The following NGF variants were observed in gnomAD, a reference collection of about 807,000 sequenced individuals.
The protein encoded by NGF is beta-nerve growth factor.
NGF carries 4 observed loss-of-function variants against 12.8 expected under a neutral mutation model. The observed-to-expected ratio is 0.31, with a 90% CI of 0.15 to 0.72. The LOEUF (loss-of-function observed/expected upper bound fraction) is 0.72, where lower values mean the gene tolerates loss of function less well. Among genes scored for constraint, NGF ranks in the 30% least tolerant of loss-of-function variants. The pLI is 0.69. For synonymous variants in NGF, 140 were observed against 130.0 expected (o/e 1.08, Z -0.52); for missense variants, 283 against 330.8 (o/e 0.86, Z 1.12).
intron 1 of NGF, among the ~76,000 whole-genome samples, chr1:115,325,276 T>C (rs1228311489): frequency 2.0e-5 from 3 of 152,136 alleles, no homozygotes; most frequent in African/African-American, 7.2e-5. Flanking sequence ...GGAGGAGCGA[T>C]TAAGATGCTG....
In NGF at chr1:115,286,621, T is replaced by A. The variant is rs1653515905; in HGVS notation, c.175A>T (p.Ile59Leu). The A allele has an allele frequency of 6.2e-7, 1 of 1,614,088 alleles. No homozygotes were observed. Among genetic ancestry groups the A allele is most frequent in the Non-Finnish European group, 8.5e-7 (1 of 1,180,042 alleles). ...GTCTGCCCCGCCACGCGTGCAGCTA[T>A]CGCCGCTGCCGGGGCGCTGCGGGCT... is the stretch of plus-strand genomic sequence containing the variant. ...RRARSAPAAA[I>L]AARVAGQTRN... Residue 59 changes from isoleucine (I) to leucine (L), a missense_variant, in exon 3 of 3, where the codon ATA (isoleucine) becomes TTA (leucine). Coordinates refer to ENST00000369512, the MANE Select transcript of NGF (RefSeq NM_002506.3).
chr1:115,336,108 T>TG (rs1655103012), intron 1 of NGF, among the ~76,000 whole-genome samples: 1 of 151,958 alleles, frequency 6.6e-6, no homozygotes, highest in African/African-American at 2.4e-5. Flanking sequence ...AGGAGAGTTG[T>TG]GGGGTGGGCA....
chr1:115,330,659 GT>G (rs1029402954), intron 1 of NGF, among the ~76,000 whole-genome samples: 12 of 152,172 alleles, frequency 7.9e-5, no homozygotes, highest in Admixed American at 4.6e-4. Flanking sequence ...TCACATTTAG[GT>G]CATGGAAAGT....
At chr1:115,301,311 G>A (rs1360349678) in intron 1 of NGF, among the ~76,000 whole-genome samples, 1 of 152,062 alleles carries the variant, frequency 6.6e-6, no homozygotes, top group African/African-American at 2.4e-5. Context: ...TCAATCTTTA[G>A]CAAGAGACTT....
intron 1 of NGF, among the ~76,000 whole-genome samples, chr1:115,313,924 A>G (rs568219708): frequency 3.3e-5 from 5 of 152,168 alleles, no homozygotes; most frequent in Non-Finnish European, 7.4e-5. Flanking sequence ...TAACCCTGAA[A>G]TTGGTACAAC....
chr1:115,321,481 G>C (rs745802181), intron 1 of NGF, among the ~76,000 whole-genome samples: 7 of 151,904 alleles, frequency 4.6e-5, no homozygotes, highest in Non-Finnish European at 7.4e-5. Flanking sequence ...TCAACACTAG[G>C]ATTCTATGGA....
chr1:115,322,610 A>G (rs529325962), intron 1 of NGF, among the ~76,000 whole-genome samples: 1 of 152,298 alleles, frequency 6.6e-6, no homozygotes, highest in African/African-American at 2.4e-5. Flanking sequence ...ATGACAGAGG[A>G]GCTAGCAAGG....
chr1:115,336,010 G>T (rs1655100273), intron 1 of NGF, among the ~76,000 whole-genome samples: 1 of 152,124 alleles, frequency 6.6e-6, no homozygotes, highest in Non-Finnish European at 1.5e-5. Flanking sequence ...GGCAACCAGG[G>T]CCCCCTTCTT....
intron 1 of NGF, among the ~76,000 whole-genome samples, chr1:115,337,256 G>GTTTTTTTTTTTT (rs1364127314): frequency 7.4e-5 from 2 of 27,200 alleles, no homozygotes; most frequent in African/African-American, 3.3e-4. Flanking sequence ...AATTTTTTTT[G>GTTTTTTTTTTTT]TTTTGTTTTT....
At chr1:115,312,353 C>T (rs1038336030) in intron 1 of NGF, among the ~76,000 whole-genome samples, 6 of 152,004 alleles carry the variant, frequency 3.9e-5, no homozygotes, top group Non-Finnish European at 8.8e-5. Flanking sequence ...ATTGGATGAC[C>T]TACTGTGTGT....
chr1:115,310,858 G>C (rs139035647), intron 1 of NGF, among the ~76,000 whole-genome samples: 1 of 152,058 alleles, frequency 6.6e-6, no homozygotes, highest in African/African-American at 2.4e-5. Context: ...TGGGGCAAGG[G>C]GTGTGGGGTG....
At chr1:115,289,992 C>G (rs189029740) in intron 2 of NGF, among the ~76,000 whole-genome samples, 1 of 152,248 alleles carries the variant, frequency 6.6e-6, no homozygotes, top group East Asian at 1.9e-4. Flanking sequence ...CCTCATCTCT[C>G]TTCTTCCAAT....
intron 1 of NGF, among the ~76,000 whole-genome samples, chr1:115,328,055 C>G (rs776377792): frequency 6.6e-6 from 1 of 152,166 alleles, no homozygotes; most frequent in East Asian, 1.9e-4. Flanking sequence ...TAAAAAGCAG[C>G]ATTAAATCTT....
At chr1:115,323,729 TACTTTAAA>T (rs1424048521) in intron 1 of NGF, among the ~76,000 whole-genome samples, 2 of 152,236 alleles carry the variant, frequency 1.3e-5, no homozygotes, top group Non-Finnish European at 2.9e-5. Context: ...TTAGGTGTGT[TACTTTAAA>T]ACTTTAAAAC....
At chr1:115,296,620 T>G (rs1653878836) in intron 1 of NGF, among the ~76,000 whole-genome samples, 1 of 152,196 alleles carries the variant, frequency 6.6e-6, no homozygotes, top group Non-Finnish European at 1.5e-5. Context: ...GATGTCTGAT[T>G]GCTATATTTG....
chr1:115,310,933 T>A (rs1402926549), intron 1 of NGF, among the ~76,000 whole-genome samples: 1 of 152,062 alleles, frequency 6.6e-6, no homozygotes, highest in Admixed American at 6.6e-5. Context: ...GGACCACAGA[T>A]ATTTAATACA....
At chr1:115,296,190 C>A (rs2101028396) in intron 1 of NGF, among the ~76,000 whole-genome samples, 1 of 152,130 alleles carries the variant, frequency 6.6e-6, no homozygotes, top group South Asian at 2.1e-4. Flanking sequence ...GGGTGGAGGT[C>A]CACCATGCAT....
chr1:115,287,390 A>C (rs1653547566), intron 2 of NGF, among the ~76,000 whole-genome samples: 1 of 152,188 alleles, frequency 6.6e-6, no homozygotes, highest in East Asian at 1.9e-4. Context: ...GAATTCACAA[A>C]GCGTCATGTT....
chr1:115,308,335 C>T (rs1261807962), intron 1 of NGF, among the ~76,000 whole-genome samples: 1 of 152,184 alleles, frequency 6.6e-6, no homozygotes, highest in African/African-American at 2.4e-5. Flanking sequence ...TCATTCTCTT[C>T]CCAGAGTGGC....
Sources: gnomAD v4.1 joint callset for allele counts (sites outside exome capture counted in the v4.1 genomes callset) on GRCh38, gnomAD v4.1.1 for gene constraint, MANE v1.5 for transcripts, NCBI Gene and HGNC (gene_info 2026-07-23, HGNC 2026-07-21) for gene names.